LRRFIP1: variants seen among roughly 807,000 people sequenced by gnomAD.
LRRFIP1 encodes the protein leucine-rich repeat flightless-interacting protein 1.
A neutral mutation model predicts 104.4 loss-of-function variants in LRRFIP1; 62 were observed. That is an observed-to-expected ratio of 0.59 (90% CI 0.48 to 0.73). The LOEUF is 0.73. Among genes scored for constraint, LRRFIP1 ranks in the 30% least tolerant of loss-of-function variants. The probability of loss-of-function intolerance (pLI) is 0.00; values close to 1 mark genes in which losing one functional copy is unlikely to be tolerated. For missense variants in LRRFIP1, 796 were observed against 824.5 expected (o/e 0.97, Z 0.42); for synonymous variants, 300 against 299.0 (o/e 1.00, Z -0.03).
At chr2:237,765,366 T>C (rs1276976056) in intron 19 of LRRFIP1, 1 of 553,820 alleles carries the variant, frequency 1.8e-6, no homozygotes, top group Non-Finnish European at 2.3e-6. Context: ...AGGCCAGGAG[T>C]TCAAGGCTGC....
intron 6 of LRRFIP1, chr2:237,721,296 G>T (rs1575814371): frequency 6.3e-6 from 1 of 158,984 alleles, no homozygotes; most frequent in South Asian, 1.8e-4. Flanking sequence ...ACCTGGACCA[G>T]GACTGGATCC....
chr2:237,638,426 C>T (rs1315187997), intron 1 of LRRFIP1, among the ~76,000 whole-genome samples: 2 of 152,208 alleles, frequency 1.3e-5, no homozygotes, highest in Non-Finnish European at 2.9e-5. Context: ...GCTCACTCAC[C>T]CGCCTGCCGC....
chr2:237,764,646 A>G (rs2060143946), intron 19 of LRRFIP1: 1 of 988,588 alleles, frequency 1.0e-6, no homozygotes. Flanking sequence ...TTTAAAGGAG[A>G]TAAACAGCCA....
At position 237,691,280 on chromosome 2, in the gene LRRFIP1, G is replaced by A. The variant is rs1261949439; in HGVS notation, c.97-17264G>A. ...CTGGCGAGGTCGGGAACCGTTTCCCGCAGGACTTTCATTGGGAGTTACGAG... is the reference window on the plus strand; with the variant it reads ...CTGGCGAGGTCGGGAACCGTTTCCCACAGGACTTTCATTGGGAGTTACGAG... On this transcript the variant is annotated intron_variant, in intron 1 of 23. Transcript: ENST00000308482. The surrounding 1 kb of genome is among the most constrained non-coding windows in gnomAD (Gnocchi z 5.4). Among the ~76,000 whole-genome samples the A allele has an allele frequency of 6.6e-6, 1 of 152,234 alleles. No individual in the cohort carries two copies. The highest frequency in any genetic ancestry group is 1.5e-5 in the Non-Finnish European group (1 of 68,042).
chr2:237,690,363 AAGTCTAACTGCTTTCTACAATAAATTCCC>A, intron 1 of LRRFIP1, among the ~76,000 whole-genome samples: 1 of 152,306 alleles, frequency 6.6e-6, no homozygotes, highest in East Asian at 1.9e-4. Context: ...CCACTGGTAA[AAGTCTAACTGCTTTCTACAATAAATTCCC>A]AGAGAACATT....
At chr2:237,642,138 A>G (rs1219347528) in intron 1 of LRRFIP1, among the ~76,000 whole-genome samples, 1 of 152,210 alleles carries the variant, frequency 6.6e-6, no homozygotes, top group African/African-American at 2.4e-5. Flanking sequence ...GGGAGGCGAT[A>G]CTGGGTGGCT....
chr2:237,756,241 T>C (rs11680940), intron 16 of LRRFIP1, 54 bp downstream of exon 16: 54,255 of 1,361,054 alleles, frequency 0.04, 1,221 homozygotes, highest in Middle Eastern at 0.07. Flanking sequence ...GAGCATTTTG[T>C]CAGGCCATGA....
chr2:237,734,331 A>G (rs952607004), intron 9 of LRRFIP1, among the ~76,000 whole-genome samples: 2 of 124,932 alleles, frequency 1.6e-5, no homozygotes, highest in Non-Finnish European at 3.1e-5. Flanking sequence ...CCCAGGCTGG[A>G]GTGCAAGGGC....
Position 237,735,310 on chromosome 2 carries a change from G to C in LRRFIP1, c.532G>C (p.Gly178Arg), listed in dbSNP as rs1490912634. ...DEGSFGGTRR[G>R]STSGSRAPSE... The stretch of plus-strand genomic sequence containing the variant: ...AGGCAGCTTCGGTGGGACCCGACGG[G>C]GCAGCACCTCCGGCTCCCGTGCTGT... The change falls in exon 10 of 24, where the codon GGC becomes CGC. Residue 178 changes from glycine to arginine, a missense_variant. Coordinates refer to ENST00000308482, the MANE Select transcript of LRRFIP1 (RefSeq NM_001137550.2). This position sits in a 1 kb window ranked among gnomAD's most constrained non-coding sequence, Gnocchi z 4.6. 6.2e-7 allele frequency: 1 copy of C among 1,613,314 alleles called. No homozygotes were observed. The highest frequency in any genetic ancestry group is 8.5e-7 in the Non-Finnish European group (1 of 1,179,854).
At chr2:237,722,764 A>G (rs901082234) in intron 6 of LRRFIP1, among the ~76,000 whole-genome samples, 2 of 152,152 alleles carry the variant, frequency 1.3e-5, no homozygotes, top group Non-Finnish European at 2.9e-5. Context: ...AGAGTGGTGA[A>G]GAGGCCTGCG....
chr2:237,646,405 C>G lies in LRRFIP1; in HGVS notation c.96+18665C>G, dbSNP rs577368040. On this transcript the variant is annotated intron_variant, in intron 1 of 23. Transcript: ENST00000308482. ...ATTAGCTATTCTTCCTGATGCTCTC[C>G]CTCCCCACCCCACCCTCCGACAAGC... is the stretch of plus-strand genomic sequence containing the variant. 2.6e-5 allele frequency among the ~76,000 whole-genome samples: 4 copies of G among 151,958 alleles called. No homozygotes were observed. In the South Asian group the frequency reaches 8.3e-4, roughly 32 times the overall value.
intron 15 of LRRFIP1, among the ~76,000 whole-genome samples, chr2:237,755,586 G>A (rs144599325): frequency 6.6e-4 from 101 of 152,336 alleles, no homozygotes; most frequent in African/African-American, 2.2e-3. Context: ...TAATTTGACA[G>A]TAAGTCATCA....
chr2:237,736,053 A>G (rs1197740854), intron 10 of LRRFIP1, among the ~76,000 whole-genome samples: 2 of 152,216 alleles, frequency 1.3e-5, no homozygotes, highest in African/African-American at 4.8e-5. Flanking sequence ...TTTACTAAGA[A>G]ATACTTGAAA....
chr2:237,684,709 AAGAC>A (rs2092192215), intron 1 of LRRFIP1, among the ~76,000 whole-genome samples: 1 of 152,136 alleles, frequency 6.6e-6, no homozygotes, highest in Non-Finnish European at 1.5e-5. Context: ...TTGTGCCTGT[AAGAC>A]TGAGAAATAC....
intron 1 of LRRFIP1, among the ~76,000 whole-genome samples, chr2:237,701,489 T>C (rs1433890820): frequency 6.6e-6 from 1 of 152,236 alleles, no homozygotes; most frequent in African/African-American, 2.4e-5. Context: ...GGGTTTCTCC[T>C]TGTGTCCTGG....
rs1021548621 is a variant in LRRFIP1 at position 237,691,270 on chromosome 2, AC to A, written c.97-17272del. On this transcript the variant is annotated intron_variant, in intron 1 of 23. Transcript: ENST00000308482. This position sits in a 1 kb window ranked among gnomAD's most constrained non-coding sequence, Gnocchi z 5.4. ...TGCCCCCAGCCTGGCGAGGTCGGGA[AC>A]CGTTTCCCGCAGGACTTTCATTGGG... 6.6e-6 allele frequency among the ~76,000 whole-genome samples: 1 copy of A among 152,188 alleles called. No homozygotes were observed. The highest frequency in any genetic ancestry group is 2.4e-5 in the African/African-American group (1 of 41,426).
At position 237,719,540 on chromosome 2, in the gene LRRFIP1, C is replaced by G. The variant is rs1231753106; in HGVS notation, c.267C>G (p.Tyr89Ter). The G allele has an allele frequency of 6.2e-7, 1 of 1,613,636 alleles. No homozygotes were observed. The highest frequency in any genetic ancestry group is 8.5e-7 in the Non-Finnish European group (1 of 1,179,644). Residue 89 changes from tyrosine (Y) to a stop codon, truncating the protein, a stop_gained, in exon 5 of 24, where the codon TAC (tyrosine) becomes TAG (stop). Coordinates refer to ENST00000308482, the MANE Select transcript of LRRFIP1 (RefSeq NM_001137550.2). LOFTEE classifies it high-confidence loss of function. ...IEQWMEDSERYSRRSRRNTSA... is the reference protein window; with the variant it reads ...IEQWMEDSER Reference sequence around the variant, plus strand: ...ATTGTTAGGAAGACAGTGAGCGCTACTCTCGTAGATCCAGAAGAAACACAT... The same window carrying G: ...ATTGTTAGGAAGACAGTGAGCGCTAGTCTCGTAGATCCAGAAGAAACACAT...
chr2:237,628,463 T>C (rs1011129219), intron 1 of LRRFIP1, among the ~76,000 whole-genome samples: 2 of 152,116 alleles, frequency 1.3e-5, no homozygotes, highest in Non-Finnish European at 2.9e-5. Context: ...GCAAGGATTC[T>C]ACCTTAAGGC....
chr2:237,750,296 T>C (rs2058420032), intron 13 of LRRFIP1, among the ~76,000 whole-genome samples: 1 of 150,078 alleles, frequency 6.7e-6, no homozygotes, highest in South Asian at 2.1e-4. Context: ...CTTCCCTTTT[T>C]TTTTCCTTTT....
Sources: gnomAD v4.1 joint callset for allele counts (sites outside exome capture counted in the v4.1 genomes callset) on GRCh38, gnomAD v4.1.1 for gene constraint, Gnocchi (gnomAD v3.1) non-coding constraint, MANE v1.5 for transcripts, NCBI Gene and HGNC (gene_info 2026-07-23, HGNC 2026-07-21) for gene names.